Variants in DRICH1 observed in about 807,000 individuals in gnomAD.
The protein encoded by DRICH1 is aspartate rich 1.
A neutral mutation model predicts 39.5 loss-of-function variants in DRICH1; 38 were observed. That is an observed-to-expected ratio of 0.96 (90% CI 0.74 to 1.26). DRICH1 has a LOEUF of 1.26. Ranked by LOEUF, DRICH1 falls within the 50% of genes most tolerant of loss-of-function variation. DRICH1 has a pLI of 0.00. For synonymous variants in DRICH1, 84 were observed against 99.5 expected (o/e 0.84, Z 0.93); for missense variants, 279 against 270.4 (o/e 1.03, Z -0.22).
At chr22:23,602,381 C>T in the DRICH1 span, among the ~76,000 whole-genome samples, 1 of 138,464 alleles carries the variant, frequency 7.2e-6, no homozygotes, top group African/African-American at 2.7e-5. Context: ...GGGCTCACCC[C>T]TGTAATCCCA....
chr22:23,628,145 G>C (rs1928180159), intron 1 of DRICH1, among the ~76,000 whole-genome samples: 1 of 152,212 alleles, frequency 6.6e-6, no homozygotes, highest in Admixed American at 6.5e-5. Flanking sequence ...GGATGAGCTG[G>C]ACTCTGGAAT....
intron 4 of DRICH1, among the ~76,000 whole-genome samples, chr22:23,621,701 G>A (rs1333809796): frequency 1.3e-5 from 2 of 152,170 alleles, no homozygotes; most frequent in African/African-American, 4.8e-5. Context: ...ATTACCTGCG[G>A]TCAGGAGTTC....
chr22:23,632,112 C>T lies in DRICH1; in HGVS notation c.-89G>A, dbSNP rs1776655604. The stretch of plus-strand genomic sequence containing the variant: ...TAGCAGCCACACTACTGAGGGTGGC[C>T]CTGCACTTTTAGAAGCAGCCTGACC... On this transcript the variant is annotated 5_prime_UTR_variant, in exon 1 of 12. Transcript: ENST00000317749. The T allele has an allele frequency of 3.8e-6, 6 of 1,563,210 alleles. No homozygotes were observed. The Admixed American group carries it at 1.1e-4, about 30-fold the overall frequency.
At chr22:23,624,259 A>G (rs1602347092) in intron 3 of DRICH1, 1 of 985,330 alleles carries the variant, frequency 1.0e-6, no homozygotes, top group Non-Finnish European at 1.2e-6. Context: ...TGTGTCCCAA[A>G]CCACAGGCTC....
chr22:23,611,692 A>G lies in DRICH1; in HGVS notation c.685+1597T>C, dbSNP rs371158073. 1.4e-3 allele frequency among the ~76,000 whole-genome samples: 216 copies of G among 152,310 alleles called. 1 individual carries two copies. Among genetic ancestry groups the G allele is most frequent in the African/African-American group, 5.0e-3 (207 of 41,550 alleles). On this transcript the variant is annotated intron_variant, in intron 11 of 11. Transcript: ENST00000317749. ...TATGTAGCAGAATGACATTTTGGTC[A>G]ATGACAGAACACATGTATGACAGTG...
the DRICH1 span, among the ~76,000 whole-genome samples, chr22:23,591,240 G>T: frequency 6.6e-6 from 1 of 152,176 alleles, no homozygotes. Flanking sequence ...GTCCCAAGCA[G>T]AGATGTGGGG....
chr22:23,613,685 T>C (rs1324833775), intron 9 of DRICH1, 25 bp from the exon 10 acceptor site: 9 of 1,565,778 alleles, frequency 5.7e-6, no homozygotes, highest in African/African-American at 4.1e-5. Flanking sequence ...AAGAAAACAT[T>C]ATGAAAATCA....
Position 23,613,799 on chromosome 22 carries a change from T to C in DRICH1, c.622-139A>G, listed in dbSNP as rs1390311518. ...CCATAGGTCAAAGTCCCCCAAAGAC[T>C]AGCACAGAGGATAGCTATAGAAAAA... On this transcript the variant is annotated intron_variant, in intron 9 of 11. Transcript: ENST00000317749. 16 of 653,270 alleles carry C rather than the reference T, an allele frequency of 2.4e-5. 1 individual carries two copies. Among genetic ancestry groups the C allele is most frequent in the Non-Finnish European group, 4.0e-5 (15 of 375,348 alleles). 40.5% of individuals were successfully genotyped at this position (653,270 alleles called of 1,614,324 possible).
Position 23,632,084 on chromosome 22 carries a change from C to T in DRICH1, c.-61G>A. 5.0e-6 allele frequency: 8 copies of T among 1,602,712 alleles called. No individual in the cohort carries two copies. The highest frequency in any genetic ancestry group is 6.8e-6 in the Non-Finnish European group (8 of 1,174,814). Reference sequence around the variant, plus strand: ...CTTCAGCGAAATTGTAACTGTGCTGCCCTAGCAGCCACACTACTGAGGGTG... The same window carrying T: ...CTTCAGCGAAATTGTAACTGTGCTGTCCTAGCAGCCACACTACTGAGGGTG... On this transcript the variant is annotated 5_prime_UTR_variant, in exon 1 of 12. Coordinates refer to ENST00000317749, the MANE Select transcript of DRICH1 (RefSeq NM_016449.4).
At chr22:23,601,862 G>A in the DRICH1 span, among the ~76,000 whole-genome samples, 75 of 152,378 alleles carry the variant, frequency 4.9e-4, no homozygotes, top group African/African-American at 1.8e-3. Context: ...GTCAGAAAGA[G>A]ACCAGTGGTT....
chr22:23,592,595 C>G, the DRICH1 span, among the ~76,000 whole-genome samples: 1 of 152,136 alleles, frequency 6.6e-6, no homozygotes, highest in African/African-American at 2.4e-5. Flanking sequence ...GAGCCCACCC[C>G]TCCAGGGCCC....
At chr22:23,629,163 C>T (rs1161278172) in intron 1 of DRICH1, among the ~76,000 whole-genome samples, 10 of 152,152 alleles carry the variant, frequency 6.6e-5, no homozygotes, top group African/African-American at 9.7e-5. Context: ...CTCAACCTCC[C>T]GAGTAGCTGG....
intron 8 of DRICH1, among the ~76,000 whole-genome samples, chr22:23,614,425 A>G (rs1481789909): frequency 6.6e-6 from 1 of 152,226 alleles, no homozygotes; most frequent in African/African-American, 2.4e-5. Context: ...TACTAGAGGC[A>G]TCAGGAAGCA....
At chr22:23,608,446 C>A, downstream of DRICH1, 1 of 435,054 alleles carries the variant, frequency 2.3e-6, no homozygotes, top group South Asian at 4.2e-5. Context: ...CACCTCTGCA[C>A]CTGAATAAAT....
chr22:23,617,415 T>G (rs1927424502), intron 7 of DRICH1, among the ~76,000 whole-genome samples, 160 bp downstream of exon 7: 1 of 152,152 alleles, frequency 6.6e-6, no homozygotes. Context: ...GGCTCCTGCT[T>G]GGATTGGCAA....
the DRICH1 span, among the ~76,000 whole-genome samples, chr22:23,600,809 A>G: frequency 6.6e-6 from 1 of 151,640 alleles, no homozygotes; most frequent in East Asian, 1.9e-4. Flanking sequence ...AGTGGCTGGG[A>G]CTATGGGCAC....
At chr22:23,605,438 A>C (rs1926673988), downstream of DRICH1, among the ~76,000 whole-genome samples, 1 of 152,148 alleles carries the variant, frequency 6.6e-6, no homozygotes, top group African/African-American at 2.4e-5. Context: ...CCACAACATC[A>C]GCTGGAGCCC....
rs1926865715 is a variant in DRICH1 at position 23,608,665 on chromosome 22, TAG to T, written c.*97_*98del. 8.4e-7 allele frequency: 1 copy of T among 1,183,640 alleles called. No individual in the cohort carries two copies. Among genetic ancestry groups the T allele is most frequent in the Non-Finnish European group, 1.2e-6 (1 of 814,462 alleles). The allele number at this position is 1,183,640 out of a possible 1,614,324, so 73.3% of individuals were successfully genotyped here. A position where few individuals can be genotyped will look rare whatever the true frequency, so the allele number is the denominator to read the frequency against. Reference sequence around the variant, plus strand: ...GGGACCAAGAGTTTTCCTCAGAATGTAGAGAGGATTGAGACCTCCAGGGGCAA... The same window carrying T: ...GGGACCAAGAGTTTTCCTCAGAATGTAGAGGATTGAGACCTCCAGGGGCAA... On this transcript the variant is annotated 3_prime_UTR_variant, in exon 12 of 12. Transcript: ENST00000317749.
At chr22:23,595,192 T>G in the DRICH1 span, among the ~76,000 whole-genome samples, 3 of 143,624 alleles carry the variant, frequency 2.1e-5, no homozygotes, top group Non-Finnish European at 3.1e-5. Flanking sequence ...AATAGTTTAA[T>G]GAGATTGGTT....
Sources: gnomAD v4.1 joint callset for allele counts (sites outside exome capture counted in the v4.1 genomes callset) on GRCh38, gnomAD v4.1.1 for gene constraint, MANE v1.5 for transcripts, NCBI Gene and HGNC (gene_info 2026-07-23, HGNC 2026-07-21) for gene names.